Variants in CPNE4 observed in about 807,000 individuals in gnomAD.
CPNE4 encodes the protein copine 4.
In CPNE4, 25 loss-of-function variants were observed where a neutral mutation model predicts 67.9. That is an observed-to-expected ratio of 0.37 (90% CI 0.27 to 0.51). CPNE4 has a LOEUF of 0.51. Ranked by LOEUF, CPNE4 falls within the 20% of genes least tolerant of loss-of-function variation. CPNE4 has a pLI of 0.93. For synonymous variants in CPNE4, 242 were observed against 244.9 expected (o/e 0.99, Z 0.11); for missense variants, 464 against 690.8 (o/e 0.67, Z 3.68).
intron 5 of CPNE4, among the ~76,000 whole-genome samples, chr3:131,693,419 G>A (rs2081075990): frequency 6.6e-6 from 1 of 152,116 alleles, no homozygotes; most frequent in African/African-American, 2.4e-5. Context: ...TATTTTAATG[G>A]AAAAATTATT....
At chr3:131,700,792 C>A (rs544945076) in intron 3 of CPNE4, among the ~76,000 whole-genome samples, 13 of 152,152 alleles carry the variant, frequency 8.5e-5, no homozygotes, top group African/African-American at 2.7e-4. Flanking sequence ...GACACATGCA[C>A]ATGTATGTTT....
intron 2 of CPNE4, among the ~76,000 whole-genome samples, chr3:131,788,692 G>A (rs942870214): frequency 6.6e-6 from 1 of 151,920 alleles, no homozygotes; most frequent in South Asian, 2.1e-4. Context: ...AATAATAAGG[G>A]AATTAGGATT....
At chr3:131,951,719 C>T (rs1255904191) in intron 1 of CPNE4, among the ~76,000 whole-genome samples, 4 of 152,246 alleles carry the variant, frequency 2.6e-5, no homozygotes, top group African/African-American at 7.2e-5. Context: ...CGTGCCGCCA[C>T]GCCTGACTGG....
chr3:131,988,816 C>A (rs978109185), intron 1 of CPNE4, among the ~76,000 whole-genome samples: 7 of 152,186 alleles, frequency 4.6e-5, no homozygotes, highest in Non-Finnish European at 8.8e-5. Context: ...AATGATACCT[C>A]TTTTTCCATG....
intron 1 of CPNE4, among the ~76,000 whole-genome samples, chr3:131,973,990 C>A (rs558080329): frequency 1.3e-5 from 2 of 152,236 alleles, no homozygotes; most frequent in Non-Finnish European, 2.9e-5. Context: ...AGTCCCAGAC[C>A]AGTTTCTTTG....
At chr3:132,027,478 A>G (rs2074137251) in intron 1 of CPNE4, among the ~76,000 whole-genome samples, 1 of 151,156 alleles carries the variant, frequency 6.6e-6, no homozygotes, top group South Asian at 2.1e-4. Flanking sequence ...TTGCCAAAAA[A>G]TCAACTATTT....
At chr3:131,560,183 G>C (rs1004315482) in intron 11 of CPNE4, among the ~76,000 whole-genome samples, 1 of 151,974 alleles carries the variant, frequency 6.6e-6, no homozygotes, top group African/African-American at 2.4e-5. Context: ...TTAGCCAGCT[G>C]CTTTATATCT....
At chr3:131,963,163 C>A (rs1201788730) in intron 1 of CPNE4, among the ~76,000 whole-genome samples, 1 of 152,060 alleles carries the variant, frequency 6.6e-6, no homozygotes, top group Non-Finnish European at 1.5e-5. Context: ...GGGGAGCCCC[C>A]CTCCCTCAGC....
intron 12 of CPNE4, among the ~76,000 whole-genome samples, chr3:131,553,408 C>T (rs2107647909): frequency 6.6e-6 from 1 of 152,104 alleles, no homozygotes; most frequent in South Asian, 2.1e-4. Flanking sequence ...CTTTGTTTAC[C>T]TTAAGTTTTT....
intron 3 of CPNE4, among the ~76,000 whole-genome samples, chr3:131,712,348 C>T (rs2081579296): frequency 6.6e-6 from 1 of 152,178 alleles, no homozygotes; most frequent in Admixed American, 6.5e-5. Flanking sequence ...AAAAATATAT[C>T]CTCCCAGTCT....
chr3:131,737,116 T>G, intron 2 of CPNE4, among the ~76,000 whole-genome samples: 1 of 18,620 alleles, frequency 5.4e-5, no homozygotes, highest in East Asian at 2.0e-3. Context: ...GTATTGTGTC[T>G]TTTTTTTTTT....
At chr3:131,573,404 C>A (rs1937432582) in intron 10 of CPNE4, among the ~76,000 whole-genome samples, 1 of 152,016 alleles carries the variant, frequency 6.6e-6, no homozygotes, top group South Asian at 2.1e-4. Context: ...GAGGGGAGAA[C>A]AATGCAGGGC....
intron 2 of CPNE4, among the ~76,000 whole-genome samples, chr3:131,883,001 G>T (rs2087740658): frequency 6.6e-6 from 1 of 152,156 alleles, no homozygotes; most frequent in Non-Finnish European, 1.5e-5. Flanking sequence ...ACAGGCGTGA[G>T]CCACCATGCC....
intron 2 of CPNE4, among the ~76,000 whole-genome samples, chr3:131,895,474 ATG>A (rs1257260542): frequency 1.3e-5 from 2 of 152,076 alleles, no homozygotes; most frequent in Non-Finnish European, 2.9e-5. Context: ...TACAGTTACA[ATG>A]TGTCAATTAA....
At chr3:131,879,738 ATAAGGTCCTAC>A (rs1283580111) in intron 2 of CPNE4, among the ~76,000 whole-genome samples, 2 of 152,236 alleles carry the variant, frequency 1.3e-5, no homozygotes, top group Non-Finnish European at 1.5e-5. Context: ...TGACCCCTTT[ATAAGGTCCTAC>A]TAAGAACCAT....
At chr3:131,845,373 T>C (rs1315395343) in intron 2 of CPNE4, among the ~76,000 whole-genome samples, 1 of 152,204 alleles carries the variant, frequency 6.6e-6, no homozygotes, top group Non-Finnish European at 1.5e-5. Flanking sequence ...TACCTGAGGT[T>C]ACATCCAAAT....
At chr3:131,884,005 A>G (rs1300960164) in intron 2 of CPNE4, among the ~76,000 whole-genome samples, 4 of 152,208 alleles carry the variant, frequency 2.6e-5, no homozygotes, top group African/African-American at 9.7e-5. Flanking sequence ...TAATTTTTAA[A>G]CAAGCCCCCC....
chr3:131,581,182 C>G (rs1434939518), intron 9 of CPNE4, among the ~76,000 whole-genome samples: 1 of 152,016 alleles, frequency 6.6e-6, no homozygotes, highest in Non-Finnish European at 1.5e-5. Flanking sequence ...CAAAACAAAG[C>G]AAACAAACAA....
chr3:131,609,912 G>C (rs1939735048), intron 7 of CPNE4, among the ~76,000 whole-genome samples: 1 of 152,204 alleles, frequency 6.6e-6, no homozygotes, highest in East Asian at 1.9e-4. Context: ...CTACTGGACT[G>C]TTACAAATGA....
Sources: gnomAD v4.1 joint callset for allele counts (sites outside exome capture counted in the v4.1 genomes callset) on GRCh38, gnomAD v4.1.1 for gene constraint, MANE v1.5 for transcripts, NCBI Gene and HGNC (gene_info 2026-07-23, HGNC 2026-07-21) for gene names.